The following IMMP2L variants were observed in gnomAD, a reference collection of about 807,000 sequenced individuals.
The protein encoded by IMMP2L is inner mitochondrial membrane peptidase subunit 2, also known as mitochondrial inner membrane protease subunit 2.
IMMP2L carries 18 observed loss-of-function variants against 19.3 expected under a neutral mutation model. That is an observed-to-expected ratio of 0.93 (90% CI 0.64 to 1.38). The LOEUF (loss-of-function observed/expected upper bound fraction) is 1.38, where lower values mean the gene tolerates loss of function less well. Among genes scored for constraint, IMMP2L ranks in the 40% most tolerant of loss-of-function variants. The pLI, the probability that IMMP2L is intolerant of heterozygous loss-of-function variation, is 0.00. For missense variants in IMMP2L, 233 were observed against 218.2 expected, an observed-to-expected ratio of 1.07 and a Z score of -0.43; for synonymous variants, 76 against 73.0, an observed-to-expected ratio of 1.04 and a Z score of -0.21.
At chr7:110,772,132 G>A (rs930826076) in intron 5 of IMMP2L, among the ~76,000 whole-genome samples, 4 of 152,088 alleles carry the variant, frequency 2.6e-5, no homozygotes, top group Non-Finnish European at 5.9e-5. Context: ...GGGAGAGAGT[G>A]GTTCTGGAAT....
chr7:110,834,828 T>C (rs1804291352), intron 5 of IMMP2L, among the ~76,000 whole-genome samples: 2 of 152,196 alleles, frequency 1.3e-5, no homozygotes, highest in African/African-American at 4.8e-5. Flanking sequence ...CAGTTGGCAG[T>C]AGTGATCTTC....
intron 3 of IMMP2L, among the ~76,000 whole-genome samples, chr7:111,329,645 C>A (rs940788044): frequency 6.6e-6 from 1 of 151,822 alleles, no homozygotes; most frequent in African/African-American, 2.4e-5. Flanking sequence ...AAAGGCGTCA[C>A]TTTGGAGAGA....
intron 3 of IMMP2L, among the ~76,000 whole-genome samples, chr7:111,166,617 C>T (rs745718877): frequency 2.0e-5 from 3 of 151,952 alleles, no homozygotes; most frequent in African/African-American, 7.2e-5. Context: ...AAACAAAGCA[C>T]TACAAACTGG....
intron 3 of IMMP2L, among the ~76,000 whole-genome samples, chr7:111,269,845 G>A (rs375144598): frequency 6.6e-6 from 1 of 152,010 alleles, no homozygotes; most frequent in African/African-American, 2.4e-5. Flanking sequence ...AAATTTTCCT[G>A]GAGTTGCACC....
At chr7:111,285,467 A>G (rs1820382629) in intron 3 of IMMP2L, among the ~76,000 whole-genome samples, 1 of 152,180 alleles carries the variant, frequency 6.6e-6, no homozygotes. Flanking sequence ...AAATCATGAT[A>G]TCATTAAGGG....
intron 3 of IMMP2L, among the ~76,000 whole-genome samples, chr7:110,990,791 A>G (rs2129559524): frequency 6.6e-6 from 1 of 152,236 alleles, no homozygotes; most frequent in African/African-American, 2.4e-5. Context: ...TTAAAAATCT[A>G]TCTTGGTTTT....
intron 4 of IMMP2L, among the ~76,000 whole-genome samples, chr7:110,953,869 G>A (rs1205362209): frequency 1.3e-5 from 2 of 152,192 alleles, no homozygotes; most frequent in South Asian, 2.1e-4. Context: ...TCTAAGTGAC[G>A]TGAGATGGTA....
chr7:111,020,086 T>TAA lies in IMMP2L; in HGVS notation c.240-56523_240-56522dup, dbSNP rs57238777. 5.1e-4 allele frequency among the ~76,000 whole-genome samples: 72 copies of TAA among 140,268 alleles called. 1 individual carries two copies. The highest frequency in any genetic ancestry group is 3.1e-3 in the East Asian group (15 of 4,772). The allele number at this position is 140,268 out of a possible 152,430, so 92.0% of individuals were successfully genotyped here. A position where few individuals can be genotyped will look rare whatever the true frequency, so the allele number is the denominator to read the frequency against. On this transcript the variant is annotated intron_variant, in intron 3 of 5. Transcript: ENST00000405709. ...TTCTAGACACTAGGGATACAACAATTAAAAAAAAAAAAAAAGGCCTAGCAC... is the reference window on the plus strand; with the variant it reads ...TTCTAGACACTAGGGATACAACAATTAAAAAAAAAAAAAAAAAGGCCTAGCAC...
intron 3 of IMMP2L, among the ~76,000 whole-genome samples, chr7:111,044,269 T>C (rs928717090): frequency 1.3e-5 from 2 of 152,186 alleles, no homozygotes; most frequent in Admixed American, 1.3e-4. Flanking sequence ...TCTGAAATTG[T>C]ACATACTGGG....
intron 3 of IMMP2L, among the ~76,000 whole-genome samples, chr7:111,179,954 C>T (rs1285164895): frequency 6.6e-6 from 1 of 151,844 alleles, no homozygotes; most frequent in African/African-American, 2.4e-5. Flanking sequence ...AACTTCCTCA[C>T]CTCTTTCGGG....
chr7:110,996,819 A>T (rs1330576480), intron 3 of IMMP2L, among the ~76,000 whole-genome samples: 2 of 152,122 alleles, frequency 1.3e-5, no homozygotes, highest in African/African-American at 4.8e-5. Context: ...CATCACACCC[A>T]GAATACTGAC....
intron 3 of IMMP2L, among the ~76,000 whole-genome samples, chr7:111,141,206 T>C (rs1391349820): frequency 6.6e-6 from 1 of 152,048 alleles, no homozygotes; most frequent in African/African-American, 2.4e-5. Flanking sequence ...ACCACCAAAT[T>C]CCATACTTAT....
At chr7:110,992,563 T>C (rs1822591415) in intron 3 of IMMP2L, among the ~76,000 whole-genome samples, 1 of 151,864 alleles carries the variant, frequency 6.6e-6, no homozygotes, top group African/African-American at 2.4e-5. Context: ...CAAATAAAGA[T>C]GTATTACTTT....
rs114538716 is a variant in IMMP2L at position 111,535,832 on chromosome 7, T to A, written c.-2-14383A>T. 2.1e-3 allele frequency among the ~76,000 whole-genome samples: 314 copies of A among 152,180 alleles called. 3 individuals are homozygous for A. The highest frequency in any genetic ancestry group is 7.2e-3 in the African/African-American group (298 of 41,514). ...ATCAGGGAAGAATGCTGTGGGGCCCTGGAAGCAAAACCATATAGAAGTAGC... is the reference window on the plus strand; with the variant it reads ...ATCAGGGAAGAATGCTGTGGGGCCCAGGAAGCAAAACCATATAGAAGTAGC... On this transcript the variant is annotated intron_variant, in intron 1 of 5. Coordinates refer to ENST00000405709, the MANE Select transcript of IMMP2L (RefSeq NM_032549.4).
chr7:110,669,545 A>G (rs879754055), intron 5 of IMMP2L, among the ~76,000 whole-genome samples: 8 of 152,140 alleles, frequency 5.3e-5, no homozygotes, highest in African/African-American at 9.7e-5. Flanking sequence ...ATTCACCATC[A>G]CACTTGACAT....
intron 3 of IMMP2L, among the ~76,000 whole-genome samples, chr7:111,143,656 A>G (rs540835371): frequency 6.6e-6 from 1 of 152,306 alleles, no homozygotes; most frequent in Admixed American, 6.5e-5. Flanking sequence ...AAGCCAAGAA[A>G]TGGAATAATA....
chr7:111,446,249 G>A (rs925176444), intron 3 of IMMP2L, among the ~76,000 whole-genome samples: 1 of 151,800 alleles, frequency 6.6e-6, no homozygotes, highest in Non-Finnish European at 1.5e-5. Context: ...CCACCTCTGG[G>A]GGCAGGGCAC....
chr7:111,379,232 TTAAAGA>T (rs1830975108), intron 3 of IMMP2L, among the ~76,000 whole-genome samples: 1 of 149,258 alleles, frequency 6.7e-6, no homozygotes, highest in Non-Finnish European at 1.5e-5. Context: ...AAAAGTCCTA[TTAAAGA>T]TAAGAAACAT....
intron 1 of IMMP2L, among the ~76,000 whole-genome samples, chr7:111,537,192 A>G (rs1378625780): frequency 2.6e-5 from 4 of 152,162 alleles, no homozygotes; most frequent in Admixed American, 6.5e-5. Context: ...CAGCCTTGAG[A>G]TAAGGCTAAA....
Sources: allele counts gnomAD v4.1 joint callset (sites outside exome capture counted in the v4.1 genomes callset), GRCh38; gene constraint gnomAD v4.1.1; transcripts MANE v1.5; gene names NCBI Gene and HGNC (gene_info 2026-07-23, HGNC 2026-07-21).